The following DNAH9 variants were observed in gnomAD, a reference collection of about 807,000 sequenced individuals.
DNAH9 encodes the protein DNAH9 variant protein.
In DNAH9, 345 loss-of-function variants were observed where a neutral mutation model predicts 471.6. The ratio of observed to expected loss-of-function variants is 0.73; its 90% CI spans 0.67 to 0.80. The LOEUF (loss-of-function observed/expected upper bound fraction) is 0.80. Among genes scored for constraint, DNAH9 ranks in the 30% least tolerant of loss-of-function variants. The pLI is 0.00. For synonymous variants in DNAH9, 2,093 were observed against 2,123.6 expected (o/e 0.99, Z 0.40); for missense variants, 5,407 against 5,609.2 (o/e 0.96, Z 1.15).
Position 11,769,406 on chromosome 17 carries a change from C to T in DNAH9, c.7552+77C>T, listed in dbSNP as rs1968108508. On this transcript the variant is annotated intron_variant, in intron 38 of 68. Coordinates refer to ENST00000262442, the MANE Select transcript of DNAH9 (RefSeq NM_001372.4). ...CTGACACAGAGCTGAAGCCAAGCGTCAGGTGCCTGCCTGACTTGAGTTCTG... is the reference window on the plus strand; with the variant it reads ...CTGACACAGAGCTGAAGCCAAGCGTTAGGTGCCTGCCTGACTTGAGTTCTG... 3.0e-6 allele frequency: 4 copies of T among 1,347,650 alleles called. No individual in the cohort carries two copies. The African/African-American group carries it at 4.3e-5, about 15-fold the overall frequency. The allele number at this position is 1,347,650 out of a possible 1,614,324, so 83.5% of individuals were successfully genotyped here.
intron 33 of DNAH9, among the ~76,000 whole-genome samples, chr17:11,754,662 CT>C (rs1176370391): frequency 6.6e-6 from 1 of 152,150 alleles, no homozygotes; most frequent in Non-Finnish European, 1.5e-5. Context: ...TCTTTGTCCA[CT>C]TTTTAATGGT....
intron 67 of DNAH9, among the ~76,000 whole-genome samples, chr17:11,958,885 T>TTC (rs1975829597): frequency 2.6e-5 from 4 of 152,052 alleles, no homozygotes; most frequent in Admixed American, 2.6e-4. Context: ...CTTAGCAAAA[T>TTC]GTTAACAAAT....
chr17:11,839,379 G>A (rs1244331585), intron 49 of DNAH9, among the ~76,000 whole-genome samples: 6 of 152,066 alleles, frequency 3.9e-5, no homozygotes, highest in African/African-American at 9.7e-5. Context: ...AGCCGGGCAC[G>A]GTGGCAGGCG....
intron 38 of DNAH9, among the ~76,000 whole-genome samples, chr17:11,773,930 G>A (rs1968318090): frequency 6.6e-6 from 1 of 151,990 alleles, no homozygotes; most frequent in Non-Finnish European, 1.5e-5. Flanking sequence ...AGGAGTTCGA[G>A]ACCAGCCTGG....
chr17:11,738,824 G>A, intron 28 of DNAH9, 56 bp from the exon 29 acceptor site: 1 of 1,522,534 alleles, frequency 6.6e-7, no homozygotes, highest in Non-Finnish European at 9.1e-7. Context: ...CTTTAGTTAT[G>A]ATCCCTCCAC....
intron 14 of DNAH9, among the ~76,000 whole-genome samples, chr17:11,655,886 A>G (rs1435934097): frequency 6.6e-6 from 1 of 150,754 alleles, no homozygotes; most frequent in Non-Finnish European, 1.5e-5. Flanking sequence ...ATATATATAT[A>G]TATACATATA....
At chr17:11,776,588 T>TA (rs1165954380) in intron 38 of DNAH9, among the ~76,000 whole-genome samples, 6 of 152,220 alleles carry the variant, frequency 3.9e-5, no homozygotes, top group African/African-American at 1.4e-4. Flanking sequence ...GTTAAGGACT[T>TA]ATCTCAAAGT....
rs958625056 is a variant in DNAH9, at chr17:11,781,763, C to T, written c.7718+589C>T. 6.8e-5 allele frequency among the ~76,000 whole-genome samples: 10 copies of T among 147,384 alleles called. No individual in the cohort carries two copies. The East Asian group carries it at 8.2e-4, about 12-fold the overall frequency. ...AGGAGAATAGCTTGAACCTGGTAGG[C>T]GGAGATTGCAGTGAGCTGAGATCAT... On this transcript the variant is annotated intron_variant, in intron 39 of 68. Coordinates refer to ENST00000262442, the MANE Select transcript of DNAH9 (RefSeq NM_001372.4).
chr17:11,781,843 AC>A (rs869244279), intron 39 of DNAH9, among the ~76,000 whole-genome samples: 14,158 of 142,300 alleles, frequency 0.099, 1,376 homozygotes, highest in African/African-American at 0.15. Flanking sequence ...AAAAAAAAAA[AC>A]AAACAAAAAA....
intron 7 of DNAH9, among the ~76,000 whole-genome samples, chr17:11,631,372 G>T (rs1434962377): frequency 6.6e-6 from 1 of 152,112 alleles, no homozygotes; most frequent in Non-Finnish European, 1.5e-5. Flanking sequence ...ATCTTAGTTG[G>T]CCAGACCCAG....
chr17:11,605,672 C>CTTTTTTTTTTTTTT (rs1597382017), intron 1 of DNAH9, among the ~76,000 whole-genome samples: 1 of 101,726 alleles, frequency 9.8e-6, no homozygotes, highest in African/African-American at 3.5e-5. Context: ...GGCAATTTTT[C>CTTTTTTTTTTTTTT]TATTTTTTTT....
intron 57 of DNAH9, 74 bp downstream of exon 57, chr17:11,887,039 A>C: frequency 6.6e-7 from 1 of 1,510,798 alleles, no homozygotes; most frequent in Non-Finnish European, 8.9e-7. Context: ...TCTCTGTGAG[A>C]GCTTATCCAT....
intron 26 of DNAH9, among the ~76,000 whole-genome samples, chr17:11,713,926 T>G (rs952060479): frequency 6.6e-6 from 1 of 152,162 alleles, no homozygotes; most frequent in East Asian, 1.9e-4. Context: ...GCTAGAGAGA[T>G]GATATGGGTG....
At chr17:11,890,727 GAGA>G (rs1973022022) in intron 57 of DNAH9, among the ~76,000 whole-genome samples, 3 of 151,964 alleles carry the variant, frequency 2.0e-5, no homozygotes, top group African/African-American at 7.3e-5. Flanking sequence ...AGGTTATTTT[GAGA>G]CAGGGTCTCA....
At chr17:11,736,804 T>TC (rs2075355364) in intron 28 of DNAH9, among the ~76,000 whole-genome samples, 1 of 152,184 alleles carries the variant, frequency 6.6e-6, no homozygotes, top group Non-Finnish European at 1.5e-5. Context: ...GCTTCGGTGT[T>TC]TCGAGAGAGA....
At position 11,874,920 on chromosome 17, in the gene DNAH9, A is replaced by G. The variant is rs754060695; in HGVS notation, c.10243-29A>G. On this transcript the variant is annotated intron_variant, in intron 52 of 68. Coordinates refer to ENST00000262442, the MANE Select transcript of DNAH9 (RefSeq NM_001372.4). ...GCTGAGAATGTCTGCTTCTGTTCTG[A>G]GCGTGGGGTGGTGTTTCTTCTTCAC... 4 of 1,526,488 alleles carry G rather than the reference A, an allele frequency of 2.6e-6. No individual in the cohort carries two copies. In the African/African-American group the frequency reaches 5.5e-5, roughly 21 times the overall value. The allele number at this position is 1,526,488 out of a possible 1,614,324, so 94.6% of individuals were successfully genotyped here.
At chr17:11,933,471 C>A (rs978602576) in intron 64 of DNAH9, among the ~76,000 whole-genome samples, 1 of 151,938 alleles carries the variant, frequency 6.6e-6, no homozygotes, top group Non-Finnish European at 1.5e-5. Context: ...ACCTCCGCCT[C>A]CCGGGTTCAA....
chr17:11,902,635 CCA>C, intron 59 of DNAH9, 82 bp from the exon 60 acceptor site: 1 of 1,217,004 alleles, frequency 8.2e-7, no homozygotes, highest in South Asian at 1.4e-5. Flanking sequence ...GTAGATAAGA[CCA>C]TCTGGCCCCT....
chr17:11,880,223 A>T (rs1972665379), intron 54 of DNAH9, 23 bp downstream of exon 54: 7 of 1,610,726 alleles, frequency 4.3e-6, no homozygotes, highest in Non-Finnish European at 5.9e-6. Flanking sequence ...TGTGTTGCTG[A>T]CCCTTCGGGG....
Sources: gnomAD v4.1 joint callset for allele counts (sites outside exome capture counted in the v4.1 genomes callset) on GRCh38, gnomAD v4.1.1 for gene constraint, MANE v1.5 for transcripts, NCBI Gene and HGNC (gene_info 2026-07-23, HGNC 2026-07-21) for gene names.